The following CFAP43 variants were observed in gnomAD, a reference collection of about 807,000 sequenced individuals.
CFAP43 encodes cilia- and flagella-associated protein 43.
In CFAP43, 155 loss-of-function variants were observed where a neutral mutation model predicts 218.9. That is an observed-to-expected ratio of 0.71 (90% CI 0.62 to 0.81). The LOEUF (loss-of-function observed/expected upper bound fraction) is 0.81, where lower values mean the gene tolerates loss of function less well. CFAP43 is among the 30% of genes least tolerant of loss of function. The pLI, the probability that CFAP43 is intolerant of heterozygous loss-of-function variation, is 0.00. For missense variants in CFAP43, 1,778 were observed against 1,954.3 expected, an observed-to-expected ratio of 0.91 and a Z score of 1.70; for synonymous variants, 645 against 681.3, an observed-to-expected ratio of 0.95 and a Z score of 0.83.
At chr10:104,172,587 T>C in intron 19 of CFAP43, 52 bp from the exon 20 acceptor site, 1 of 1,453,062 alleles carries the variant, frequency 6.9e-7, no homozygotes, top group Non-Finnish European at 9.1e-7. Flanking sequence ...TAAACTGTAA[T>C]AAGATAATTT....
chr10:104,189,647 T>C (rs1043266230), intron 12 of CFAP43, among the ~76,000 whole-genome samples: 1 of 152,130 alleles, frequency 6.6e-6, no homozygotes, highest in African/African-American at 2.4e-5. Flanking sequence ...AGCTTCAATA[T>C]AAAATGTGGA....
At chr10:104,163,981 C>T in intron 24 of CFAP43, 113 bp downstream of exon 24, 2 of 990,242 alleles carry the variant, frequency 2.0e-6, no homozygotes, top group African/African-American at 1.6e-5. Flanking sequence ...TTACCTGCAA[C>T]TGAGAGTGCT....
chr10:104,130,161 A>C lies in CFAP43; in HGVS notation c.4976T>G (p.Phe1659Cys), dbSNP rs2134718220. 1 of 1,600,806 alleles carries C rather than the reference A, an allele frequency of 6.2e-7. No individual in the cohort carries two copies. Among genetic ancestry groups the C allele is most frequent in the East Asian group, 2.2e-5 (1 of 44,518 alleles). ...TEVERLRMKT[F>C]PALVQM ...TTTTTACATTTGAACAAGAGCAGGA[A>C]ATGTTTTCATTCTTAATCTTTCAAC... Residue 1659 changes from phenylalanine (F) to cysteine (C), a missense_variant, in exon 38 of 38, where the codon TTT (phenylalanine) becomes TGT (cysteine). Physicochemically the swap from Phe to Cys is radical, Grantham distance 205. Transcript: ENST00000357060.
chr10:104,231,980 G>T (rs1156299801), intron 1 of CFAP43, among the ~76,000 whole-genome samples: 1 of 151,682 alleles, frequency 6.6e-6, no homozygotes, highest in Non-Finnish European at 1.5e-5. Flanking sequence ...TGGGGACGGG[G>T]TCAAGGAACA....
intron 6 of CFAP43, among the ~76,000 whole-genome samples, 170 bp downstream of exon 6, chr10:104,207,495 A>T (rs1329838992): frequency 6.6e-6 from 1 of 152,194 alleles, no homozygotes; most frequent in Non-Finnish European, 1.5e-5. Flanking sequence ...TCTGAGGATT[A>T]CATGAAATAT....
chr10:104,136,771 T>A (rs2087473570), intron 34 of CFAP43, among the ~76,000 whole-genome samples: 1 of 152,200 alleles, frequency 6.6e-6, no homozygotes. Flanking sequence ...AAAAAACTCC[T>A]ATAACTCAAC....
chr10:104,199,256 A>G (rs1311456181), intron 8 of CFAP43, among the ~76,000 whole-genome samples: 1 of 152,200 alleles, frequency 6.6e-6, no homozygotes, highest in Admixed American at 6.5e-5. Flanking sequence ...AGCTGGTAAT[A>G]TAATATGGTC....
chr10:104,137,757 T>C (rs1247204940), intron 34 of CFAP43, among the ~76,000 whole-genome samples: 1 of 152,144 alleles, frequency 6.6e-6, no homozygotes, highest in Non-Finnish European at 1.5e-5. Context: ...GCTGAGATCA[T>C]GCTCCGGCAC....
intron 4 of CFAP43, among the ~76,000 whole-genome samples, chr10:104,213,945 A>AAAT (rs2090939566): frequency 6.6e-6 from 1 of 152,206 alleles, no homozygotes; most frequent in Non-Finnish European, 1.5e-5. Context: ...GCATGTTTTA[A>AAAT]AATAGTAAGG....
At chr10:104,226,363 T>G (rs1326976637) in intron 2 of CFAP43, among the ~76,000 whole-genome samples, 1 of 152,242 alleles carries the variant, frequency 6.6e-6, no homozygotes, top group East Asian at 1.9e-4. Flanking sequence ...CTTTTGTCAT[T>G]TATTGAATAT....
At chr10:104,221,446 T>C (rs572109540) in intron 3 of CFAP43, among the ~76,000 whole-genome samples, 2 of 152,274 alleles carry the variant, frequency 1.3e-5, no homozygotes, top group South Asian at 4.1e-4. Context: ...TTGAGATAAG[T>C]GTCCTTATAA....
chr10:104,153,762 TTCTCTCTC>T (rs35514998), intron 27 of CFAP43, among the ~76,000 whole-genome samples: 2 of 148,040 alleles, frequency 1.4e-5, no homozygotes, highest in Admixed American at 6.8e-5. Context: ...TTTATCACTT[TTCTCTCTC>T]TCTCTCTCTC....
chr10:104,135,666 A>G (rs963868266), intron 34 of CFAP43, among the ~76,000 whole-genome samples: 2 of 152,186 alleles, frequency 1.3e-5, no homozygotes, highest in African/African-American at 4.8e-5. Flanking sequence ...AATAAAGTTT[A>G]TCTAAAAAGT....
intron 24 of CFAP43, among the ~76,000 whole-genome samples, chr10:104,162,948 A>C (rs971129975): frequency 6.6e-6 from 1 of 152,136 alleles, no homozygotes; most frequent in African/African-American, 2.4e-5. Context: ...TAAATGTAGG[A>C]TGGACTAGAG....
chr10:104,223,447 T>G (rs1349054260), intron 3 of CFAP43, among the ~76,000 whole-genome samples: 1 of 152,238 alleles, frequency 6.6e-6, no homozygotes, highest in African/African-American at 2.4e-5. Flanking sequence ...GAGACATTGA[T>G]GTACCCATTT....
At chr10:104,192,741 T>C (rs1190183513) in intron 11 of CFAP43, 2 of 173,428 alleles carry the variant, frequency 1.2e-5, no homozygotes, top group South Asian at 1.4e-4. Flanking sequence ...AGTGGGAAGA[T>C]GTAAATTAGA....
At position 104,182,395 on chromosome 10, in the gene CFAP43, C is replaced by T. The variant is rs1213110202; in HGVS notation, c.2260G>A (p.Val754Ile). 1.2e-5 allele frequency: 20 copies of T among 1,608,448 alleles called. No individual in the cohort carries two copies. The highest frequency in any genetic ancestry group is 4.0e-5 in the African/African-American group (3 of 74,568). ...TGTTCAGAATCGGATCCCAAATCTA[C>T]GGAAACTTTTGGTGTTGTGCTTAAA... ...HYLSTTPKVS[V>I]DLGSDSEHTK... Residue 754 changes from valine (V) to isoleucine (I), a missense_variant, in exon 17 of 38, where the codon GTA (valine) becomes ATA (isoleucine). Physicochemically the swap from Val to Ile is conservative, Grantham distance 29. This residue lies in a region of CFAP43 where 1,553 missense variants were observed against 1,685.2 expected (regional missense o/e 0.92). Transcript: ENST00000357060.
intron 12 of CFAP43, among the ~76,000 whole-genome samples, chr10:104,189,223 C>G (rs946377329): frequency 6.6e-6 from 1 of 152,154 alleles, no homozygotes; most frequent in Non-Finnish European, 1.5e-5. Context: ...TCAATCACCT[C>G]TTTTTAGCTT....
At chr10:104,139,644 C>T (rs1204491541) in intron 34 of CFAP43, among the ~76,000 whole-genome samples, 1 of 151,994 alleles carries the variant, frequency 6.6e-6, no homozygotes, top group Non-Finnish European at 1.5e-5. Context: ...AAGTATCTTT[C>T]AACAATGAAG....
Sources: allele counts gnomAD v4.1 joint callset (sites outside exome capture counted in the v4.1 genomes callset), GRCh38; gene constraint gnomAD v4.1.1; regional missense constraint gnomAD v4.1.1; transcripts MANE v1.5; gene names NCBI Gene and HGNC (gene_info 2026-07-23, HGNC 2026-07-21).